The following FNBP1 variants were observed in gnomAD, a reference collection of about 807,000 sequenced individuals.
FNBP1 encodes the protein formin binding protein 1.
In FNBP1, 26 loss-of-function variants were observed where a neutral mutation model predicts 90.6. The ratio of observed to expected loss-of-function variants is 0.29; its 90% CI spans 0.21 to 0.40. The LOEUF is 0.40. Ranked by LOEUF, FNBP1 falls within the 10% of genes least tolerant of loss-of-function variation. The pLI, the probability that FNBP1 is intolerant of heterozygous loss-of-function variation, is 1.00. For missense variants in FNBP1, 635 were observed against 768.0 expected, an observed-to-expected ratio of 0.83 and a Z score of 2.05; for synonymous variants, 260 against 265.2, an observed-to-expected ratio of 0.98 and a Z score of 0.19.
chr9:130,006,901 G>C (rs1230728073), intron 1 of FNBP1, among the ~76,000 whole-genome samples: 1 of 152,040 alleles, frequency 6.6e-6, no homozygotes, highest in Non-Finnish European at 1.5e-5. Flanking sequence ...CTTAGCTGAA[G>C]TTTAGGAGGC....
At chr9:129,970,532 G>T (rs141654477) in intron 4 of FNBP1, among the ~76,000 whole-genome samples, 324 of 152,270 alleles carry the variant, frequency 2.1e-3, no homozygotes, top group African/African-American at 7.5e-3. Context: ...ATACATATCT[G>T]CAAATGATAT....
At chr9:129,944,431 C>T (rs2044873620) in intron 6 of FNBP1, among the ~76,000 whole-genome samples, 1 of 151,168 alleles carries the variant, frequency 6.6e-6, no homozygotes, top group African/African-American at 2.4e-5. Flanking sequence ...GTCCCAGCTA[C>T]TTGGGACGCT....
chr9:129,962,673 T>C (rs767896412), intron 4 of FNBP1, among the ~76,000 whole-genome samples: 78 of 152,344 alleles, frequency 5.1e-4, no homozygotes, highest in Non-Finnish European at 7.6e-4. Context: ...GTTTTATCTA[T>C]CCAGCAATTT....
intron 2 of FNBP1, among the ~76,000 whole-genome samples, chr9:129,988,874 T>A (rs2131161086): frequency 6.6e-6 from 1 of 152,316 alleles, no homozygotes; most frequent in South Asian, 2.1e-4. Context: ...AAGTCTCACG[T>A]TTATGTCTAA....
intron 16 of FNBP1, chr9:129,895,455 G>A (rs1414503457): frequency 8.9e-7 from 1 of 1,127,458 alleles, no homozygotes; most frequent in African/African-American, 1.6e-5. Context: ...GAGTAGGGAA[G>A]TCTTTGGCAC....
chr9:130,019,837 C>T (rs1308094924), intron 1 of FNBP1, among the ~76,000 whole-genome samples: 3 of 151,938 alleles, frequency 2.0e-5, no homozygotes, highest in East Asian at 3.9e-4. Context: ...GGATTACAGG[C>T]GTGAGCCACC....
intron 6 of FNBP1, among the ~76,000 whole-genome samples, chr9:129,936,029 CT>C (rs2043403456): frequency 6.6e-6 from 1 of 152,176 alleles, no homozygotes; most frequent in South Asian, 2.1e-4. Flanking sequence ...ACCACAATTA[CT>C]TTTGCAGCAA....
chr9:129,951,636 G>A (rs1386189927), intron 6 of FNBP1, among the ~76,000 whole-genome samples: 1 of 151,544 alleles, frequency 6.6e-6, no homozygotes, highest in Non-Finnish European at 1.5e-5. Context: ...GTAGAGACAA[G>A]GTCTCACCAT....
At chr9:129,898,430 G>A (rs1013768824) in intron 15 of FNBP1, among the ~76,000 whole-genome samples, 8 of 151,322 alleles carry the variant, frequency 5.3e-5, no homozygotes, top group East Asian at 3.9e-4. Context: ...TTAAGGAAGC[G>A]ACCTCATTCT....
intron 1 of FNBP1, among the ~76,000 whole-genome samples, chr9:130,036,809 G>T (rs539121615): frequency 4.6e-4 from 70 of 152,188 alleles, no homozygotes; most frequent in Non-Finnish European, 8.8e-4. Flanking sequence ...ACTTTGGGAG[G>T]CCGAGGCAGG....
intron 16 of FNBP1, among the ~76,000 whole-genome samples, chr9:129,893,750 A>G (rs1372810773): frequency 6.6e-6 from 1 of 151,090 alleles, no homozygotes; most frequent in East Asian, 1.9e-4. Context: ...CCCTGTCTCT[A>G]CTAAAAATAC....
chr9:129,909,122 A>T, intron 11 of FNBP1, 123 bp from the exon 12 acceptor site: 1 of 741,402 alleles, frequency 1.3e-6, no homozygotes, highest in South Asian at 1.4e-5. Context: ...GAAATAGATT[A>T]AGCTCTTTCC....
At chr9:129,912,646 CT>C (rs2131616846) in intron 11 of FNBP1, among the ~76,000 whole-genome samples, 1 of 149,566 alleles carries the variant, frequency 6.7e-6, no homozygotes, top group Non-Finnish European at 1.5e-5. Context: ...TGAGATTGCG[CT>C]ACTGCGCACT....
chr9:129,991,276 T>C (rs2053114097), intron 2 of FNBP1, among the ~76,000 whole-genome samples: 1 of 107,272 alleles, frequency 9.3e-6, no homozygotes, highest in Non-Finnish European at 1.8e-5. Flanking sequence ...GAAATGCAGA[T>C]TTTTTTTTTT....
intron 1 of FNBP1, among the ~76,000 whole-genome samples, chr9:130,017,790 ACTGC>A (rs1282917125): frequency 1.3e-5 from 2 of 150,806 alleles, no homozygotes; most frequent in African/African-American, 4.9e-5. Flanking sequence ...AGATCGCACT[ACTGC>A]ACTCCAGCCC....
At chr9:130,050,240 A>G in the FNBP1 span, among the ~76,000 whole-genome samples, 1 of 152,220 alleles carries the variant, frequency 6.6e-6, no homozygotes, top group Non-Finnish European at 1.5e-5. Context: ...CTCCATGGTG[A>G]GTGAAATGCT....
chr9:129,950,249 T>C (rs1480946331), intron 6 of FNBP1, among the ~76,000 whole-genome samples: 2 of 152,128 alleles, frequency 1.3e-5, no homozygotes, highest in Non-Finnish European at 2.9e-5. Flanking sequence ...CAAAGCAAAA[T>C]AACTTAAGAA....
chr9:129,946,289 T>A (rs373093555), intron 6 of FNBP1, among the ~76,000 whole-genome samples: 1 of 152,348 alleles, frequency 6.6e-6, no homozygotes, highest in East Asian at 1.9e-4. Flanking sequence ...GACATCTATA[T>A]GTAGAATTAA....
intron 8 of FNBP1, among the ~76,000 whole-genome samples, chr9:129,925,379 G>A (rs7856781): frequency 0.029 from 4,439 of 151,346 alleles, 204 homozygotes; most frequent in African/African-American, 0.098. Flanking sequence ...GGTGGCGGGC[G>A]CCTGTAGTCC....
Sources: allele counts gnomAD v4.1 joint callset (sites outside exome capture counted in the v4.1 genomes callset), GRCh38; gene constraint gnomAD v4.1.1; transcripts MANE v1.5; gene names NCBI Gene and HGNC (gene_info 2026-07-23, HGNC 2026-07-21).